The following KATNAL1 variants were observed in gnomAD, a reference collection of about 807,000 sequenced individuals.
KATNAL1 encodes the protein katanin p60 ATPase-containing subunit A-like 1.
A neutral mutation model predicts 55.2 loss-of-function variants in KATNAL1; 32 were observed. That is an observed-to-expected ratio of 0.58 (90% CI 0.44 to 0.78). The LOEUF is 0.78. KATNAL1 is among the 30% of genes least tolerant of loss of function. KATNAL1 has a pLI of 0.00. For missense variants in KATNAL1, 466 were observed against 600.9 expected (o/e 0.78, Z 2.35); for synonymous variants, 193 against 193.6 (o/e 1.00, Z 0.02).
At chr13:30,261,824 A>G (rs1879310463) in intron 3 of KATNAL1, among the ~76,000 whole-genome samples, 1 of 152,122 alleles carries the variant, frequency 6.6e-6, no homozygotes, top group African/African-American at 2.4e-5. Flanking sequence ...CAGAAAGTCA[A>G]CAAGGATACC....
chr13:30,269,216 C>T (rs949521485), intron 3 of KATNAL1, among the ~76,000 whole-genome samples: 6 of 152,230 alleles, frequency 3.9e-5, no homozygotes, highest in African/African-American at 1.4e-4. Context: ...TGAGTGCCTG[C>T]GATTGCAGGC....
intron 1 of KATNAL1, chr13:30,306,630 G>C (rs1245011458): frequency 6.6e-6 from 1 of 152,180 alleles, no homozygotes; most frequent in African/African-American, 2.4e-5. Context: ...CAATTGATGG[G>C]TTTAATATGC....
Position 30,208,321 on chromosome 13 carries a change from C to T in KATNAL1, c.*219G>A, listed in dbSNP as rs546647384. 7 of 464,526 alleles carry T rather than the reference C, an allele frequency of 1.5e-5. No individual in the cohort carries two copies. Among genetic ancestry groups the T allele is most frequent in the East Asian group, 1.1e-4 (3 of 27,234 alleles). 28.8% of individuals were successfully genotyped at this position (464,526 alleles called of 1,614,324 possible). ...GGTGTGCAATATTAATGCAGGAATA[C>T]GTGGAATACCAGCACAAAGCCGGGG... On this transcript the variant is annotated 3_prime_UTR_variant, in exon 11 of 11. Coordinates refer to ENST00000380615, the MANE Select transcript of KATNAL1 (RefSeq NM_032116.5).
Position 30,208,276 on chromosome 13 carries a change from C to G in KATNAL1, c.*264G>C, listed in dbSNP as rs939125816. 6.1e-6 allele frequency: 2 copies of G among 330,178 alleles called. No individual in the cohort carries two copies. Among genetic ancestry groups the G allele is most frequent in the African/African-American group, 4.3e-5 (2 of 46,636 alleles). 20.5% of individuals were successfully genotyped at this position (330,178 alleles called of 1,614,324 possible). ...TATCACACTGCGCCCTTGCTTCAGC[C>G]TCCCTGATAGACTGGTTTGGGTGTG... On this transcript the variant is annotated 3_prime_UTR_variant, in exon 11 of 11. Transcript: ENST00000380615.
rs1020892595 is a variant in KATNAL1, at chr13:30,207,330, T to C, written c.*1210A>G. On this transcript the variant is annotated 3_prime_UTR_variant, in exon 11 of 11. Coordinates refer to ENST00000380615, the MANE Select transcript of KATNAL1 (RefSeq NM_032116.5). ...ATTGAGTGAGCATGTCAGATTTCTA[T>C]CTTTATCTTAGTGTGTGTAAAAGTT... 6.6e-6 allele frequency: 1 copy of C among 152,234 alleles called. No homozygotes were observed. The highest frequency in any genetic ancestry group is 2.4e-5 in the African/African-American group (1 of 41,468). The allele number at this position is 152,234 out of a possible 1,614,324, so 9.4% of individuals were successfully genotyped here.
intron 3 of KATNAL1, among the ~76,000 whole-genome samples, chr13:30,269,292 C>G (rs929355461): frequency 2.6e-5 from 4 of 152,376 alleles, no homozygotes; most frequent in East Asian, 1.9e-4. Context: ...CTGTGTTGGC[C>G]GGGCTGGTCT....
At chr13:30,214,842 C>A (rs1321956978) in intron 9 of KATNAL1, among the ~76,000 whole-genome samples, 1 of 151,316 alleles carries the variant, frequency 6.6e-6, no homozygotes, top group African/African-American at 2.4e-5. Flanking sequence ...CTAGGCATTA[C>A]CATTCAGGAC....
At chr13:30,244,632 T>A (rs1418454159) in intron 4 of KATNAL1, among the ~76,000 whole-genome samples, 1 of 152,092 alleles carries the variant, frequency 6.6e-6, no homozygotes, top group African/African-American at 2.4e-5. Flanking sequence ...TTGAAAAGAT[T>A]AGCAAAACAG....
intron 1 of KATNAL1, among the ~76,000 whole-genome samples, chr13:30,299,937 C>T (rs932537757): frequency 1.3e-5 from 2 of 152,054 alleles, no homozygotes; most frequent in African/African-American, 2.4e-5. Context: ...TCAGCTACAT[C>T]TCCAACCTTT....
intron 6 of KATNAL1, among the ~76,000 whole-genome samples, chr13:30,239,685 A>ATTTT (rs35752433): frequency 1.0e-5 from 1 of 99,048 alleles, no homozygotes; most frequent in Non-Finnish European, 2.0e-5. Context: ...TACAGAAGTG[A>ATTTT]TTTTTTTTTT....
At position 30,263,445 on chromosome 13, in the gene KATNAL1, C is replaced by T. The variant is rs868416241; in HGVS notation, c.324-7830G>A. The stretch of plus-strand genomic sequence containing the variant: ...AAGTCAAATTGTCCCTGTTTGCAGA[C>T]GACATGATTGTATATCTAGAAAACC... On this transcript the variant is annotated intron_variant, in intron 3 of 10. Coordinates refer to ENST00000380615, the MANE Select transcript of KATNAL1 (RefSeq NM_032116.5). Among the ~76,000 whole-genome samples, 1,082 of 150,040 alleles carry T rather than the reference C, an allele frequency of 7.2e-3. 12 individuals carry two copies. Among genetic ancestry groups the T allele is most frequent in the African/African-American group, 0.024 (975 of 40,356 alleles).
chr13:30,247,344 C>T (rs910205577), intron 4 of KATNAL1, among the ~76,000 whole-genome samples: 1 of 152,036 alleles, frequency 6.6e-6, no homozygotes, highest in Non-Finnish European at 1.5e-5. Context: ...AGTATCATGC[C>T]CTGCATTTGA....
At chr13:30,225,464 TTAGA>T (rs1875361207) in intron 9 of KATNAL1, among the ~76,000 whole-genome samples, 1 of 152,114 alleles carries the variant, frequency 6.6e-6, no homozygotes, top group Non-Finnish European at 1.5e-5. Flanking sequence ...AACAAATAAC[TTAGA>T]TAACCATATG....
At chr13:30,290,024 C>T (rs908089339) in intron 1 of KATNAL1, among the ~76,000 whole-genome samples, 15 of 152,172 alleles carry the variant, frequency 9.9e-5, no homozygotes, top group African/African-American at 2.7e-4. Flanking sequence ...TTTTCTTCAA[C>T]CTTATAAAAA....
rs1184666522 is a variant in KATNAL1, at chr13:30,270,075, G to T, written c.323+9988C>A. ...GCCGCCCCATCCGGGAGGGAGGTGG[G>T]GGGGGTCAGCCCCCCGCCCGGCCAG... On this transcript the variant is annotated intron_variant, in intron 3 of 10. Coordinates refer to ENST00000380615, the MANE Select transcript of KATNAL1 (RefSeq NM_032116.5). 2.8e-3 allele frequency among the ~76,000 whole-genome samples: 319 copies of T among 114,476 alleles called. 11 individuals are homozygous for T. The highest frequency in any genetic ancestry group is 4.4e-3 in the Admixed American group (55 of 12,462). 75.1% of individuals were successfully genotyped at this position (114,476 alleles called of 152,430 possible).
At chr13:30,217,550 A>G (rs565377321) in intron 9 of KATNAL1, among the ~76,000 whole-genome samples, 9 of 152,168 alleles carry the variant, frequency 5.9e-5, no homozygotes, top group African/African-American at 1.9e-4. Flanking sequence ...CCAATCCTGT[A>G]TCACAAAATT....
intron 3 of KATNAL1, among the ~76,000 whole-genome samples, chr13:30,276,238 G>A (rs1880831893): frequency 6.6e-6 from 1 of 152,160 alleles, no homozygotes; most frequent in South Asian, 2.1e-4. Context: ...CCAAGCAACT[G>A]CTGGTGATTT....
intron 9 of KATNAL1, among the ~76,000 whole-genome samples, chr13:30,214,082 G>T (rs572869440): frequency 7.2e-4 from 109 of 152,102 alleles, no homozygotes; most frequent in African/African-American, 1.8e-3. Context: ...AAAGTCTCAG[G>T]ATACAAAATC....
intron 4 of KATNAL1, among the ~76,000 whole-genome samples, chr13:30,248,911 T>C (rs1878038567): frequency 6.6e-6 from 1 of 152,124 alleles, no homozygotes; most frequent in African/African-American, 2.4e-5. Context: ...TACAAAAAAT[T>C]AGCCGGGCGT....
Sources: gnomAD v4.1 joint callset for allele counts (sites outside exome capture counted in the v4.1 genomes callset) on GRCh38, gnomAD v4.1.1 for gene constraint, MANE v1.5 for transcripts, NCBI Gene and HGNC (gene_info 2026-07-23, HGNC 2026-07-21) for gene names.